CUEDC1: variants seen among roughly 807,000 people sequenced by gnomAD.
The protein encoded by CUEDC1 is CUE domain containing 1, also known as CUE domain-containing protein 1.
Under a neutral mutation model 43.7 loss-of-function variants are expected in CUEDC1, and 30 were observed. The ratio of observed to expected loss-of-function variants is 0.69; its 90% CI spans 0.51 to 0.93. The LOEUF is 0.93. Ranked by LOEUF, CUEDC1 falls within the 40% of genes least tolerant of loss-of-function variation. The pLI, the probability that CUEDC1 is intolerant of heterozygous loss-of-function variation, is 0.00. For synonymous variants in CUEDC1, 223 were observed against 223.6 expected, an observed-to-expected ratio of 1.00 and a Z score of 0.02; for missense variants, 486 against 549.0, an observed-to-expected ratio of 0.89 and a Z score of 1.15.
intron 1 of CUEDC1, among the ~76,000 whole-genome samples, chr17:57,891,955 G>A (rs545196509): frequency 6.6e-6 from 1 of 152,184 alleles, no homozygotes; most frequent in Non-Finnish European, 1.5e-5. Flanking sequence ...TGAAGGCAGG[G>A]GCTTTGCTAT....
chr17:57,894,349 C>G (rs574828640), intron 1 of CUEDC1, among the ~76,000 whole-genome samples: 1 of 152,290 alleles, frequency 6.6e-6, no homozygotes, highest in East Asian at 1.9e-4. Context: ...GTGGGGCATT[C>G]CTTTAAAAAT....
intron 9 of CUEDC1, 71 bp from the exon 10 acceptor site, chr17:57,866,615 G>A (rs1227270350): frequency 2.6e-6 from 4 of 1,513,672 alleles, no homozygotes; most frequent in Non-Finnish European, 3.7e-6. Flanking sequence ...CCCTAGACTG[G>A]GCAAGAGAGC....
At chr17:57,951,762 A>T (rs2075009616) in intron 1 of CUEDC1, among the ~76,000 whole-genome samples, 1 of 152,136 alleles carries the variant, frequency 6.6e-6, no homozygotes, top group Admixed American at 6.5e-5. Flanking sequence ...CCCAGCCTAA[A>T]CATTTTTATC....
chr17:57,895,714 C>T (rs1436852203), intron 1 of CUEDC1, among the ~76,000 whole-genome samples: 2 of 152,186 alleles, frequency 1.3e-5, no homozygotes, highest in Admixed American at 1.3e-4. Flanking sequence ...CCTCCCCTCC[C>T]AGGTGCCACA....
intron 1 of CUEDC1, among the ~76,000 whole-genome samples, chr17:57,924,529 C>G (rs1259630475): frequency 1.3e-5 from 2 of 152,134 alleles, no homozygotes; most frequent in African/African-American, 4.8e-5. Context: ...GGTGTCTATC[C>G]CGTGTGTTGC....
chr17:57,873,936 A>T (rs1443643971), intron 3 of CUEDC1, among the ~76,000 whole-genome samples: 2 of 152,186 alleles, frequency 1.3e-5, no homozygotes, highest in Non-Finnish European at 2.9e-5. Flanking sequence ...CCAGTCACTC[A>T]GTGCCCTTCC....
intron 3 of CUEDC1, among the ~76,000 whole-genome samples, chr17:57,877,578 TAA>T (rs560214172): frequency 3.9e-5 from 5 of 127,254 alleles, no homozygotes; most frequent in Non-Finnish European, 3.3e-5. Context: ...ATTGGAATAT[TAA>T]AAAAAAAAAA....
intron 1 of CUEDC1, among the ~76,000 whole-genome samples, chr17:57,918,499 T>G (rs1387576688): frequency 1.3e-5 from 2 of 152,256 alleles, no homozygotes; most frequent in Non-Finnish European, 2.9e-5. Flanking sequence ...AGAACTTCCT[T>G]AAGATGTTGA....
intron 1 of CUEDC1, among the ~76,000 whole-genome samples, chr17:57,948,333 T>C (rs2074976171): frequency 6.6e-6 from 1 of 152,184 alleles, no homozygotes; most frequent in Admixed American, 6.5e-5. Context: ...CTCACACGGC[T>C]TGGACTCCAT....
rs918291327 is a variant in CUEDC1 at position 57,955,283 on chromosome 17, G to C, written c.-374C>G. ...CCGCAGGGGCCGGGCCGCGGGCCGG[G>C]CGGGGGAGGGGCTGCAATCCGCAGC... On this transcript the variant is annotated 5_prime_UTR_variant, in exon 1 of 11. Coordinates refer to ENST00000577830, the MANE Select transcript of CUEDC1 (RefSeq NM_001271875.2). This position sits in a 1 kb window ranked among gnomAD's most constrained non-coding sequence, Gnocchi z 5.3. 1 of 147,166 alleles carries C rather than the reference G, an allele frequency of 6.8e-6. No homozygotes were observed. Among genetic ancestry groups the C allele is most frequent in the Non-Finnish European group, 1.5e-5 (1 of 65,816 alleles). The allele number at this position is 147,166 out of a possible 1,614,324, so 9.1% of individuals were successfully genotyped here.
chr17:57,925,730 A>G (rs2074740841), intron 1 of CUEDC1, among the ~76,000 whole-genome samples: 1 of 152,176 alleles, frequency 6.6e-6, no homozygotes, highest in Non-Finnish European at 1.5e-5. Flanking sequence ...TGAATGAGGG[A>G]GAATGGCAGG....
Position 57,881,442 on chromosome 17 carries a change from C to T in CUEDC1, c.337-1704G>A, listed in dbSNP as rs530119464. On this transcript the variant is annotated intron_variant, in intron 2 of 10. Transcript: ENST00000577830. ...AAGCGCTGCTCCTGTTCCCTGGCGA[C>T]TCTCTGGTGCCTGGCACAGGACAGT... Among the ~76,000 whole-genome samples the T allele has an allele frequency of 7.2e-5, 11 of 152,362 alleles. 1 individual carries two copies. In the East Asian group the frequency reaches 1.2e-3, roughly 16 times the overall value.
intron 1 of CUEDC1, among the ~76,000 whole-genome samples, chr17:57,893,188 G>C (rs2144985859): frequency 6.6e-6 from 1 of 152,330 alleles, no homozygotes; most frequent in Middle Eastern, 3.4e-3. Flanking sequence ...TAATGGCAGA[G>C]GCTGCTGGGC....
chr17:57,937,131 C>T (rs2143188062), intron 1 of CUEDC1, among the ~76,000 whole-genome samples: 1 of 152,150 alleles, frequency 6.6e-6, no homozygotes, highest in African/African-American at 2.4e-5. Context: ...CATTCTTACT[C>T]TTAAAGGGCC....
intron 1 of CUEDC1, among the ~76,000 whole-genome samples, chr17:57,900,648 C>T (rs554796116): frequency 5.4e-4 from 83 of 152,348 alleles, no homozygotes; most frequent in African/African-American, 1.9e-3. Context: ...CCATCATCAT[C>T]ACCATTTTAT....
chr17:57,939,595 C>T (rs957178959), intron 1 of CUEDC1, among the ~76,000 whole-genome samples: 31 of 152,250 alleles, frequency 2.0e-4, no homozygotes, highest in Admixed American at 1.3e-3. Flanking sequence ...AGCTTCTGGA[C>T]GTGTCTGGCC....
At position 57,947,822 on chromosome 17, in the gene CUEDC1, A is replaced by T. The variant is rs992657630; in HGVS notation, c.-316+7403T>A. The stretch of plus-strand genomic sequence containing the variant: ...TGTCTCATAAATAAATAAATAATAA[A>T]AAATAAAAACACTTTTGTGCTTGGA... On this transcript the variant is annotated intron_variant, in intron 1 of 10. Coordinates refer to ENST00000577830, the MANE Select transcript of CUEDC1 (RefSeq NM_001271875.2). Among the ~76,000 whole-genome samples, 18 of 152,192 alleles carry T rather than the reference A, an allele frequency of 1.2e-4. 1 individual carries two copies. The highest frequency in any genetic ancestry group is 3.8e-4 in the East Asian group (2 of 5,198).
chr17:57,883,105 T>C (rs913959572), intron 2 of CUEDC1, among the ~76,000 whole-genome samples: 29 of 152,144 alleles, frequency 1.9e-4, no homozygotes, highest in African/African-American at 5.6e-4. Flanking sequence ...TATTTTCCAA[T>C]ATTCCTTCCA....
chr17:57,899,737 T>C (rs2074451907), intron 1 of CUEDC1, among the ~76,000 whole-genome samples: 1 of 152,168 alleles, frequency 6.6e-6, no homozygotes, highest in African/African-American at 2.4e-5. Flanking sequence ...GGATTTTTTT[T>C]GAACCGTCCC....
Sources: gnomAD v4.1 joint callset for allele counts (sites outside exome capture counted in the v4.1 genomes callset) on GRCh38, gnomAD v4.1.1 for gene constraint, Gnocchi (gnomAD v3.1) non-coding constraint, MANE v1.5 for transcripts, NCBI Gene and HGNC (gene_info 2026-07-23, HGNC 2026-07-21) for gene names.